Variants in ATP6V0A2 observed in about 807,000 individuals in gnomAD.
The protein encoded by ATP6V0A2 is ATPase H+ transporting V0 subunit a2.
A neutral mutation model predicts 104.4 loss-of-function variants in ATP6V0A2; 58 were observed. That is an observed-to-expected ratio of 0.56 (90% CI 0.45 to 0.69). The LOEUF (loss-of-function observed/expected upper bound fraction) is 0.69, where lower values mean the gene tolerates loss of function less well. Ranked by LOEUF, ATP6V0A2 falls within the 30% of genes least tolerant of loss-of-function variation. The pLI is 0.00. For missense variants in ATP6V0A2, 938 were observed against 1,062.9 expected, an observed-to-expected ratio of 0.88 and a Z score of 1.63; for synonymous variants, 376 against 397.9, an observed-to-expected ratio of 0.95 and a Z score of 0.65.
In ATP6V0A2 at chr12:123,760,412, C is replaced by T. The variant is rs916157483; in HGVS notation, c.*2380C>T. Reference sequence around the variant, plus strand: ...CACGGGAATTTGTTTCTCTATAAAGCGATGGGCTCCAGTGTCATGTTACCA... The same window carrying T: ...CACGGGAATTTGTTTCTCTATAAAGTGATGGGCTCCAGTGTCATGTTACCA... On this transcript the variant is annotated 3_prime_UTR_variant, in exon 20 of 20. Transcript: ENST00000330342. The T allele has an allele frequency of 6.6e-6, 1 of 152,172 alleles. No individual in the cohort carries two copies. Among genetic ancestry groups the T allele is most frequent in the Non-Finnish European group, 1.5e-5 (1 of 68,044 alleles). 9.4% of individuals were successfully genotyped at this position (152,172 alleles called of 1,614,324 possible). A position where few individuals can be genotyped will look rare whatever the true frequency, so the allele number is the denominator to read the frequency against.
chr12:123,735,678 C>A, intron 8 of ATP6V0A2, 54 bp downstream of exon 8: 1 of 1,353,272 alleles, frequency 7.4e-7, no homozygotes, highest in Non-Finnish European at 1.1e-6. Flanking sequence ...CAAACATTTA[C>A]ACGTATATTT....
intron 13 of ATP6V0A2, among the ~76,000 whole-genome samples, chr12:123,746,601 G>GTAC (rs1338943442): frequency 5.3e-5 from 7 of 131,098 alleles, no homozygotes; most frequent in Non-Finnish European, 9.3e-5. Flanking sequence ...TTGCTCCACT[G>GTAC]TACTCTAGCC....
chr12:123,713,932 G>C (rs982780896), intron 1 of ATP6V0A2, among the ~76,000 whole-genome samples: 2 of 152,170 alleles, frequency 1.3e-5, no homozygotes, highest in African/African-American at 2.4e-5. Context: ...GTCATGGAGA[G>C]ACTCCTGAGT....
At chr12:123,717,936 T>C (rs1593883461) in intron 1 of ATP6V0A2, among the ~76,000 whole-genome samples, 1 of 151,992 alleles carries the variant, frequency 6.6e-6, no homozygotes, top group East Asian at 1.9e-4. Context: ...GGATTTTTTC[T>C]TTTTTTGACC....
intron 14 of ATP6V0A2, 76 bp downstream of exon 14, chr12:123,747,801 A>G: frequency 1.0e-6 from 1 of 955,910 alleles, no homozygotes; most frequent in East Asian, 2.4e-5. Context: ...CTTGTTGGTG[A>G]CTGTATTTAT....
intron 15 of ATP6V0A2, 28 bp downstream of exon 15, chr12:123,748,813 T>G: frequency 6.3e-7 from 1 of 1,577,844 alleles, no homozygotes; most frequent in Non-Finnish European, 8.7e-7. Context: ...CCTCATGAAC[T>G]TAACGGAAGT....
intron 1 of ATP6V0A2, 50 bp from the exon 2 acceptor site, chr12:123,718,573 G>T: frequency 7.3e-7 from 1 of 1,368,760 alleles, no homozygotes; most frequent in Admixed American, 1.7e-5. Context: ...TTACATAAAA[G>T]TATTTTTAAA....
intron 2 of ATP6V0A2, among the ~76,000 whole-genome samples, chr12:123,718,985 A>G (rs143310064): frequency 9.0e-4 from 137 of 152,324 alleles, no homozygotes; most frequent in African/African-American, 3.2e-3. Context: ...GTCAGTAGAC[A>G]TAGATATTTA....
chr12:123,745,070 G>C, intron 13 of ATP6V0A2, 98 bp downstream of exon 13: 2 of 1,196,548 alleles, frequency 1.7e-6, no homozygotes, highest in Non-Finnish European at 2.5e-6. Context: ...CAGGGTTCAC[G>C]CTGCCCTGAG....
chr12:123,730,325 G>C (rs1424099452), intron 6 of ATP6V0A2, among the ~76,000 whole-genome samples: 1 of 151,978 alleles, frequency 6.6e-6, no homozygotes, highest in African/African-American at 2.4e-5. Context: ...AAAGTGCTGG[G>C]ATTACAGGCG....
At chr12:123,725,614 T>C (rs1306345022) in intron 4 of ATP6V0A2, among the ~76,000 whole-genome samples, 1 of 151,932 alleles carries the variant, frequency 6.6e-6, no homozygotes, top group African/African-American at 2.4e-5. Context: ...ATATGAGACC[T>C]TGTCTATACA....
chr12:123,725,225 C>T lies in ATP6V0A2; in HGVS notation c.432+434C>T, dbSNP rs145946205. Among the ~76,000 whole-genome samples, 1,006 of 152,176 alleles carry T rather than the reference C, an allele frequency of 6.6e-3. 13 individuals carry two copies. Among genetic ancestry groups the T allele is most frequent in the African/African-American group, 0.022 (916 of 41,516 alleles). On this transcript the variant is annotated intron_variant, in intron 4 of 19. Coordinates refer to ENST00000330342, the MANE Select transcript of ATP6V0A2 (RefSeq NM_012463.4). ...CTGGGATTACAGGAGTGAGCTACCG[C>T]GCCCAGATTTAAGAGATTAAATTTA...
In ATP6V0A2 at chr12:123,737,195, A is replaced by G. The variant is rs1280427324; in HGVS notation, c.962A>G (p.Asn321Ser). Residue 321 changes from asparagine to serine, a missense_variant, in exon 9 of 20, where the codon AAC (asparagine) becomes AGC (serine). Asn to Ser is a conservative substitution (Grantham distance 46). Coordinates refer to ENST00000330342, the MANE Select transcript of ATP6V0A2 (RefSeq NM_012463.4). Reference sequence around the variant, plus strand: ...AACATGTGCAGCTTTGACGTGACCAACAAGTGCCTCATTGCTGAGGTCTGG... The same window carrying G: ...AACATGTGCAGCTTTGACGTGACCAGCAAGTGCCTCATTGCTGAGGTCTGG... The part of the protein sequence containing the change: ...MLNMCSFDVT[N>S]KCLIAEVWCP... 9 of 1,614,192 alleles carry G rather than the reference A, an allele frequency of 5.6e-6. No homozygotes were observed. Among genetic ancestry groups the G allele is most frequent in the South Asian group, 1.1e-5 (1 of 91,088 alleles).
chr12:123,751,678 T>A (rs1420805852), intron 16 of ATP6V0A2, among the ~76,000 whole-genome samples: 1 of 151,910 alleles, frequency 6.6e-6, no homozygotes, highest in African/African-American at 2.4e-5. Context: ...AATGAAACAT[T>A]GATGTTGAAA....
At position 123,759,257 on chromosome 12, in the gene ATP6V0A2, A is replaced by C. The variant is rs1203059087; in HGVS notation, c.*1225A>C. ...GAGAACAGTCTAAATATAAATGAAG[A>C]TATTTTACCATGAAGAGATTGCACT... On this transcript the variant is annotated 3_prime_UTR_variant, in exon 20 of 20. Coordinates refer to ENST00000330342, the MANE Select transcript of ATP6V0A2 (RefSeq NM_012463.4). 4 of 151,422 alleles carry C rather than the reference A, an allele frequency of 2.6e-5. No homozygotes were observed. Among genetic ancestry groups the C allele is most frequent in the Non-Finnish European group, 5.9e-5 (4 of 68,024 alleles). 9.4% of individuals were successfully genotyped at this position (151,422 alleles called of 1,614,324 possible).
intron 6 of ATP6V0A2, chr12:123,733,384 G>A (rs1956521462): frequency 1.3e-5 from 2 of 152,438 alleles, no homozygotes; most frequent in African/African-American, 4.8e-5. Context: ...TGCTCCTAGG[G>A]GAAGTACGGG....
intron 9 of ATP6V0A2, among the ~76,000 whole-genome samples, chr12:123,742,157 T>A (rs1956615831): frequency 6.6e-6 from 1 of 152,248 alleles, no homozygotes; most frequent in African/African-American, 2.4e-5. Flanking sequence ...TCACTGCCCA[T>A]GGCCCCTGTG....
rs371794684 is a variant in ATP6V0A2 at position 123,733,998 on chromosome 12, A to C, written c.721A>C (p.Ile241Leu). The change falls in exon 7 of 20, where the codon ATA (isoleucine) becomes CTA (leucine). Residue 241 changes from isoleucine (I) to leucine (L), a missense_variant. Transcript: ENST00000330342. ...GCAGATTGGCCACAAGGTTAAGAAG[A>C]TATGTGATTGGTAAGAAAAAGAAAC... ...GEQIGHKVKK[I>L]CDCYHCHVYP... is the part of the protein sequence containing the mutation. 6.8e-6 allele frequency: 11 copies of C among 1,611,946 alleles called. No individual in the cohort carries two copies. The African/African-American group carries it at 1.3e-4, about 20-fold the overall frequency.
chr12:123,734,299 G>A (rs1231181909), intron 7 of ATP6V0A2, among the ~76,000 whole-genome samples: 2 of 152,188 alleles, frequency 1.3e-5, no homozygotes, highest in Non-Finnish European at 2.9e-5. Flanking sequence ...TTTATATGTT[G>A]TGACTTCATG....
Sources: gnomAD v4.1 joint callset for allele counts (sites outside exome capture counted in the v4.1 genomes callset) on GRCh38, gnomAD v4.1.1 for gene constraint, MANE v1.5 for transcripts, NCBI Gene and HGNC (gene_info 2026-07-23, HGNC 2026-07-21) for gene names.